Variants in ARMC1 observed in about 807,000 individuals in gnomAD.
ARMC1 encodes armadillo repeat-containing protein 1.
In ARMC1, 16 loss-of-function variants were observed where a neutral mutation model predicts 31.4. That is an observed-to-expected ratio of 0.51 (90% confidence interval 0.34 to 0.77). The LOEUF (loss-of-function observed/expected upper bound fraction) is 0.77. Among genes scored for constraint, ARMC1 ranks in the 30% least tolerant of loss-of-function variants. ARMC1 has a pLI of 0.01. For missense variants in ARMC1, 259 were observed against 347.5 expected (o/e 0.75, Z 2.02); for synonymous variants, 114 against 118.9 (o/e 0.96, Z 0.27).
intron 5 of ARMC1, 25 bp downstream of exon 5, chr8:65,605,397 A>G (rs1381194224): frequency 6.2e-7 from 1 of 1,612,508 alleles, no homozygotes; most frequent in Non-Finnish European, 8.5e-7. Flanking sequence ...AATCTCAAGC[A>G]TATTCAGTCT....
intron 2 of ARMC1, among the ~76,000 whole-genome samples, chr8:65,623,755 C>T (rs76909606): frequency 0.045 from 6,588 of 144,808 alleles, 527 homozygotes; most frequent in African/African-American, 0.16. Context: ...TTATTAGAAA[C>T]CGTACATGCC....
At chr8:65,626,773 C>T (rs1036362992) in intron 2 of ARMC1, among the ~76,000 whole-genome samples, 5 of 152,086 alleles carry the variant, frequency 3.3e-5, no homozygotes, top group African/African-American at 1.2e-4. Context: ...GTAATTCCAA[C>T]ACTTTGGGAG....
Position 65,622,267 on chromosome 8 carries a change from G to A in ARMC1, c.271C>T (p.Gln91Ter). 6.2e-7 allele frequency: 1 copy of A among 1,609,106 alleles called. No individual in the cohort carries two copies. The highest frequency in any genetic ancestry group is 8.5e-7 in the Non-Finnish European group (1 of 1,175,646). The change falls in exon 3 of 7, where the codon CAG becomes TAG. Residue 91 changes from glutamine (Q) to a stop codon, truncating the protein, a stop_gained. Coordinates refer to ENST00000276569, the MANE Select transcript of ARMC1 (RefSeq NM_018120.6). LOFTEE classifies it high-confidence loss of function. ...GMMLSLQNVIQKTTTPGETKL... is the reference protein window; with the variant it reads ...GMMLSLQNVI ...GACACTGTCTATTGTACTTACTTCT[G>A]TATAACATTTTGTAAGCTCAACATC...
At chr8:65,619,323 A>G (rs573686597) in intron 3 of ARMC1, among the ~76,000 whole-genome samples, 1 of 151,946 alleles carries the variant, frequency 6.6e-6, no homozygotes, top group Non-Finnish European at 1.5e-5. Flanking sequence ...GGATCACCTG[A>G]GGCCACGAGT....
intron 3 of ARMC1, among the ~76,000 whole-genome samples, chr8:65,613,766 G>C (rs947144110): frequency 4.6e-5 from 7 of 152,062 alleles, no homozygotes; most frequent in African/African-American, 7.2e-5. Flanking sequence ...AGGAGTTCAA[G>C]CCTGACCAAC....
chr8:65,623,944 C>T (rs1046276694), intron 2 of ARMC1, among the ~76,000 whole-genome samples: 3 of 150,940 alleles, frequency 2.0e-5, no homozygotes, highest in East Asian at 2.0e-4. Flanking sequence ...ATTATAGGTG[C>T]CAGCCACCAC....
chr8:65,607,986 C>A (rs2129041026), intron 4 of ARMC1, among the ~76,000 whole-genome samples: 1 of 152,192 alleles, frequency 6.6e-6, no homozygotes, highest in East Asian at 1.9e-4. Flanking sequence ...GAGAGTAAAA[C>A]TACTTTTCTC....
chr8:65,615,113 C>G (rs1161401231), intron 3 of ARMC1, among the ~76,000 whole-genome samples: 1 of 151,848 alleles, frequency 6.6e-6, no homozygotes, highest in Non-Finnish European at 1.5e-5. Context: ...AGCTTTAATT[C>G]CAGGGGTGAT....
chr8:65,611,326 A>T (rs1013783523), intron 4 of ARMC1, among the ~76,000 whole-genome samples: 1 of 152,004 alleles, frequency 6.6e-6, no homozygotes, highest in Non-Finnish European at 1.5e-5. Context: ...TTTATTCTTG[A>T]TCTGTCTGAC....
At chr8:65,616,163 C>T (rs768545053) in intron 3 of ARMC1, among the ~76,000 whole-genome samples, 44 of 152,356 alleles carry the variant, frequency 2.9e-4, no homozygotes, top group South Asian at 8.3e-4. Context: ...CCCCTCTTCC[C>T]GGTCTCCCTC....
At chr8:65,621,572 GATCTCACCTCACTGCA>G (rs1339875835) in intron 3 of ARMC1, among the ~76,000 whole-genome samples, 1 of 152,104 alleles carries the variant, frequency 6.6e-6, no homozygotes, top group Non-Finnish European at 1.5e-5. Flanking sequence ...GCAGTGGTGG[GATCTCACCTCACTGCA>G]ATCTCCACCT....
intron 1 of ARMC1, among the ~76,000 whole-genome samples, chr8:65,628,010 T>G (rs1342458652): frequency 6.6e-6 from 1 of 152,194 alleles, no homozygotes; most frequent in African/African-American, 2.4e-5. Flanking sequence ...ACACTGAATC[T>G]AAATACCTCT....
chr8:65,618,234 A>T (rs1808317145), intron 3 of ARMC1, among the ~76,000 whole-genome samples: 1 of 151,782 alleles, frequency 6.6e-6, no homozygotes, highest in Admixed American at 6.6e-5. Flanking sequence ...TTAAGAACCT[A>T]ATGTAAGGCC....
intron 3 of ARMC1, among the ~76,000 whole-genome samples, chr8:65,617,465 C>G (rs1808296465): frequency 6.6e-6 from 1 of 152,084 alleles, no homozygotes; most frequent in African/African-American, 2.4e-5. Flanking sequence ...CTCAAGTACC[C>G]ATGGACACAA....
chr8:65,626,866 T>A (rs1158916506), intron 2 of ARMC1, among the ~76,000 whole-genome samples: 1 of 151,932 alleles, frequency 6.6e-6, no homozygotes, highest in Non-Finnish European at 1.5e-5. Flanking sequence ...ATATCAAAAA[T>A]TTGGCTGGCA....
intron 3 of ARMC1, among the ~76,000 whole-genome samples, chr8:65,618,818 C>G (rs952630625): frequency 1.3e-5 from 2 of 151,304 alleles, no homozygotes; most frequent in African/African-American, 2.4e-5. Context: ...CCGAGGTGAG[C>G]GGATCATGAG....
At chr8:65,624,189 AT>A (rs1251002332) in intron 2 of ARMC1, among the ~76,000 whole-genome samples, 2 of 152,102 alleles carry the variant, frequency 1.3e-5, no homozygotes, top group African/African-American at 4.8e-5. Flanking sequence ...AAATGTAAAA[AT>A]GAAGGTAAAT....
intron 3 of ARMC1, among the ~76,000 whole-genome samples, chr8:65,620,807 A>AAAAAAAAAAAC (rs1214774171): frequency 3.3e-5 from 5 of 151,724 alleles, no homozygotes; most frequent in Non-Finnish European, 2.9e-5. Context: ...TTTAAAAAAA[A>AAAAAAAAAAAC]ACACAACTAT....
At chr8:65,630,946 G>A (rs1389416284) in intron 1 of ARMC1, among the ~76,000 whole-genome samples, 2 of 152,196 alleles carry the variant, frequency 1.3e-5, no homozygotes, top group East Asian at 3.8e-4. Flanking sequence ...TGTATCCACA[G>A]GTTTCAAATC....
Sources: gnomAD v4.1 joint callset for allele counts (sites outside exome capture counted in the v4.1 genomes callset) on GRCh38, gnomAD v4.1.1 for gene constraint, MANE v1.5 for transcripts, NCBI Gene and HGNC (gene_info 2026-07-23, HGNC 2026-07-21) for gene names.